The following MBOAT2 variants were observed in gnomAD, a reference collection of about 807,000 sequenced individuals.
MBOAT2 encodes the protein membrane bound glycerophospholipid O-acyltransferase 2, also known as membrane-bound glycerophospholipid O-acyltransferase 2.
A neutral mutation model predicts 63.4 loss-of-function variants in MBOAT2; 28 were observed. The observed-to-expected ratio is 0.44, with a 90% confidence interval of 0.33 to 0.61. The LOEUF (loss-of-function observed/expected upper bound fraction) is 0.61. Among genes scored for constraint, MBOAT2 ranks in the 20% least tolerant of loss-of-function variants. The pLI is 0.03. For missense variants in MBOAT2, 470 were observed against 605.8 expected (o/e 0.78, Z 2.35); for synonymous variants, 211 against 215.6 (o/e 0.98, Z 0.19).
chr2:8,966,219 C>G (rs1003377237), intron 1 of MBOAT2, among the ~76,000 whole-genome samples: 1 of 152,152 alleles, frequency 6.6e-6, no homozygotes, highest in African/African-American at 2.4e-5. Flanking sequence ...GAGCAATTTT[C>G]TGAACAGATC....
Position 8,858,866 on chromosome 2 carries a change from A to T in MBOAT2, c.1376T>A (p.Val459Glu), listed in dbSNP as rs1661298279. The T allele has an allele frequency of 6.2e-7, 1 of 1,613,170 alleles. No homozygotes were observed. Among genetic ancestry groups the T allele is most frequent in the African/African-American group, 1.3e-5 (1 of 74,888 alleles). Residue 459 changes from valine to glutamate, a missense_variant, in exon 13 of 13, where the codon GTA (valine) becomes GAA (glutamate). By Grantham distance (121) the Val-to-Glu change is moderately radical (BLOSUM62 -2). This residue lies in a region of MBOAT2 where 90 missense variants were observed against 84.9 expected (regional missense o/e 1.06). Coordinates refer to ENST00000305997, the MANE Select transcript of MBOAT2 (RefSeq NM_138799.4). ...TTTTTTCACTGGCAACAACAATAAT[A>T]CTAAGATACCAAGAATGTGCAGGCA... is the stretch of plus-strand genomic sequence containing the variant. ...YYCLHILGIL[V>E]LLLLPVKKTQ...
intron 3 of MBOAT2, among the ~76,000 whole-genome samples, chr2:8,920,005 A>G (rs770815700): frequency 6.6e-6 from 1 of 152,080 alleles, no homozygotes; most frequent in South Asian, 2.1e-4. Context: ...GCCTCAAGCA[A>G]TCCTCTTCCC....
intron 4 of MBOAT2, among the ~76,000 whole-genome samples, chr2:8,904,526 C>T (rs1446363157): frequency 6.6e-6 from 1 of 151,954 alleles, no homozygotes; most frequent in African/African-American, 2.4e-5. Context: ...GCCCAGGCTG[C>T]TCTTGAACTC....
intron 12 of MBOAT2, among the ~76,000 whole-genome samples, chr2:8,859,966 C>T (rs935166563): frequency 4.6e-5 from 7 of 151,944 alleles, no homozygotes; most frequent in South Asian, 2.1e-4. Flanking sequence ...GGGTGGATCA[C>T]GAGGTCAGGA....
chr2:8,901,552 G>A (rs776163462), intron 4 of MBOAT2, among the ~76,000 whole-genome samples: 61 of 152,282 alleles, frequency 4.0e-4, no homozygotes, highest in South Asian at 1.9e-3. Context: ...CATACCCTGA[G>A]GGAGGGAAGG....
chr2:8,958,660 A>T lies in MBOAT2; in HGVS notation c.76-18T>A. The T allele has an allele frequency of 6.5e-7, 1 of 1,544,158 alleles. No homozygotes were observed. The highest frequency in any genetic ancestry group is 2.3e-5 in the East Asian group (1 of 43,424). On this transcript the variant is annotated intron_variant, in intron 1 of 12. Coordinates refer to ENST00000305997, the MANE Select transcript of MBOAT2 (RefSeq NM_138799.4). ...AAGTTGACCTGTAAAGAAAAATTAAAATTTTGTATTAGCAACACAGACCTG... is the reference window on the plus strand; with the variant it reads ...AAGTTGACCTGTAAAGAAAAATTAATATTTTGTATTAGCAACACAGACCTG...
In MBOAT2 at chr2:8,943,329, T is replaced by G. The variant is rs562684718; in HGVS notation, c.222-65A>C. The G allele has an allele frequency of 3.0e-6, 3 of 1,004,862 alleles. No individual in the cohort carries two copies. In the African/African-American group the frequency reaches 4.9e-5, roughly 16 times the overall value. 62.2% of individuals were successfully genotyped at this position (1,004,862 alleles called of 1,614,324 possible). ...GTCACAAACATCAAGCTGAAGTGAA[T>G]TAAGCTAAAAAATACTTATGCATAA... On this transcript the variant is annotated intron_variant, in intron 2 of 12. Transcript: ENST00000305997.
At chr2:8,877,005 C>T (rs537331201) in intron 7 of MBOAT2, 25 bp downstream of exon 7, 1 of 1,580,458 alleles carries the variant, frequency 6.3e-7, no homozygotes, top group Non-Finnish European at 8.6e-7. Flanking sequence ...GCTGTAAAGG[C>T]TCCAGATAAA....
intron 3 of MBOAT2, among the ~76,000 whole-genome samples, chr2:8,914,414 A>G (rs1456017233): frequency 6.6e-6 from 1 of 152,172 alleles, no homozygotes; most frequent in Non-Finnish European, 1.5e-5. Flanking sequence ...TAGGACAGTA[A>G]CCAAGCATTT....
intron 3 of MBOAT2, among the ~76,000 whole-genome samples, chr2:8,929,146 A>G (rs2103196579): frequency 6.6e-6 from 1 of 152,368 alleles, no homozygotes; most frequent in South Asian, 2.1e-4. Context: ...TGGGGATAAA[A>G]GAGTATAATA....
chr2:8,961,060 T>G (rs1669571311), intron 1 of MBOAT2, among the ~76,000 whole-genome samples: 2 of 152,142 alleles, frequency 1.3e-5, no homozygotes, highest in African/African-American at 4.8e-5. Flanking sequence ...CCATGGAAGA[T>G]TTTTAAAACA....
At chr2:8,942,950 G>A (rs1668156545) in intron 3 of MBOAT2, among the ~76,000 whole-genome samples, 1 of 152,178 alleles carries the variant, frequency 6.6e-6, no homozygotes, top group Non-Finnish European at 1.5e-5. Flanking sequence ...TAACATCCTA[G>A]AAGGCACAGG....
intron 1 of MBOAT2, among the ~76,000 whole-genome samples, chr2:8,974,981 A>G (rs1362838736): frequency 2.0e-5 from 3 of 152,150 alleles, no homozygotes; most frequent in African/African-American, 7.2e-5. Flanking sequence ...AACTTTAGTA[A>G]GGTAATGGAG....
At position 8,896,664 on chromosome 2, in the gene MBOAT2, G is replaced by A. The variant is rs1040218640; in HGVS notation, c.396-8591C>T. 5.9e-5 allele frequency among the ~76,000 whole-genome samples: 9 copies of A among 152,118 alleles called. No individual in the cohort carries two copies. In the South Asian group the frequency reaches 6.2e-4, roughly 11 times the overall value. The stretch of plus-strand genomic sequence containing the variant: ...ATATTAACTTAAAATTGGTATAGAC[G>A]GCTCCTTCCTGATTCTATAAGTACT... On this transcript the variant is annotated intron_variant, in intron 4 of 12. Transcript: ENST00000305997.
chr2:8,866,623 C>T (rs1384835996), intron 9 of MBOAT2, among the ~76,000 whole-genome samples: 1 of 152,204 alleles, frequency 6.6e-6, no homozygotes, highest in African/African-American at 2.4e-5. Flanking sequence ...ATCTAATCCC[C>T]CTTTGTATTC....
At chr2:8,958,452 C>A in intron 2 of MBOAT2, 45 bp downstream of exon 2, 1 of 1,495,192 alleles carries the variant, frequency 6.7e-7, no homozygotes, top group Non-Finnish European at 9.0e-7. Flanking sequence ...TTCTCAAATA[C>A]ATCCAAATAG....
At chr2:8,926,517 T>A (rs574681030) in intron 3 of MBOAT2, among the ~76,000 whole-genome samples, 1 of 152,192 alleles carries the variant, frequency 6.6e-6, no homozygotes. Flanking sequence ...GGGGGCTCCC[T>A]GCAAATACAA....
At chr2:8,989,270 T>C (rs1671766357) in intron 1 of MBOAT2, among the ~76,000 whole-genome samples, 1 of 152,184 alleles carries the variant, frequency 6.6e-6, no homozygotes, top group South Asian at 2.1e-4. Context: ...CTGACACCCA[T>C]CAGCCCGTTA....
chr2:8,964,472 T>C (rs1441386074), intron 1 of MBOAT2, among the ~76,000 whole-genome samples: 1 of 150,892 alleles, frequency 6.6e-6, no homozygotes, highest in East Asian at 2.0e-4. Context: ...AATTTACATA[T>C]TGCATTGCTT....
Sources: gnomAD v4.1 joint callset for allele counts (sites outside exome capture counted in the v4.1 genomes callset) on GRCh38, gnomAD v4.1.1 for gene constraint, gnomAD v4.1.1 regional missense constraint, MANE v1.5 for transcripts, NCBI Gene and HGNC (gene_info 2026-07-23, HGNC 2026-07-21) for gene names.